PHLPP1: variants seen among roughly 807,000 people sequenced by gnomAD.
The protein encoded by PHLPP1 is PH domain leucine-rich repeat-containing protein phosphatase 1.
In PHLPP1, 42 loss-of-function variants were observed where a neutral mutation model predicts 117.2. The observed-to-expected ratio is 0.36, with a 90% CI of 0.28 to 0.46. The LOEUF is 0.46. PHLPP1 is among the 20% of genes least tolerant of loss of function. The probability of loss-of-function intolerance (pLI) is 1.00; values close to 1 mark genes in which losing one functional copy is unlikely to be tolerated. For missense variants in PHLPP1, 2,084 were observed against 2,241.9 expected, an observed-to-expected ratio of 0.93 and a Z score of 1.42; for synonymous variants, 1,042 against 970.7, an observed-to-expected ratio of 1.07 and a Z score of -1.37.
At chr18:62,976,624 T>G (rs544089503) in intron 16 of PHLPP1, among the ~76,000 whole-genome samples, 1 of 152,368 alleles carries the variant, frequency 6.6e-6, no homozygotes, top group Non-Finnish European at 1.5e-5. Flanking sequence ...GCATCCTCTC[T>G]GCTCCAAGAA....
chr18:62,871,403 C>G (rs1915897789), intron 4 of PHLPP1, among the ~76,000 whole-genome samples: 1 of 152,128 alleles, frequency 6.6e-6, no homozygotes, highest in Non-Finnish European at 1.5e-5. Context: ...TCTCGGCTCA[C>G]TGCAACCTCT....
intron 3 of PHLPP1, 89 bp downstream of exon 3, chr18:62,838,998 G>A (rs1216463253): frequency 4.8e-5 from 65 of 1,361,478 alleles, no homozygotes; most frequent in Non-Finnish European, 6.0e-5. Context: ...AATATGGTTA[G>A]TTACACACAC....
At chr18:62,765,241 C>T (rs945851115) in intron 1 of PHLPP1, among the ~76,000 whole-genome samples, 8 of 152,046 alleles carry the variant, frequency 5.3e-5, no homozygotes, top group South Asian at 2.1e-4. Flanking sequence ...TTCTCATGTT[C>T]GATGCTACGA....
chr18:62,863,395 G>A (rs530560478), intron 4 of PHLPP1, among the ~76,000 whole-genome samples: 3 of 152,118 alleles, frequency 2.0e-5, no homozygotes, highest in African/African-American at 7.2e-5. Flanking sequence ...GTAGAGATGG[G>A]GTTTCACCAT....
At chr18:62,814,502 A>G (rs1914209284) in intron 1 of PHLPP1, among the ~76,000 whole-genome samples, 1 of 152,194 alleles carries the variant, frequency 6.6e-6, no homozygotes, top group Non-Finnish European at 1.5e-5. Context: ...CACTGGTCAT[A>G]GTGAAGAAGG....
chr18:62,766,076 A>AAAAAAAAAAAATATAT lies in PHLPP1; in HGVS notation c.1576+48818_1576+48819insAAAAAAAAAATATATA. 1.8e-4 allele frequency among the ~76,000 whole-genome samples: 4 copies of AAAAAAAAAAAATATAT among 21,664 alleles called. 1 individual carries two copies. Among genetic ancestry groups the AAAAAAAAAAAATATAT allele is most frequent in the Admixed American group, 1.6e-3 (2 of 1,274 alleles). The allele number at this position is 21,664 out of a possible 152,430, so 14.2% of individuals were successfully genotyped here. On this transcript the variant is annotated intron_variant, in intron 1 of 16. Coordinates refer to ENST00000262719, the MANE Select transcript of PHLPP1 (RefSeq NM_194449.4). ...ACTCCATCTCAAAAAAAAAAAAAAA[A>AAAAAAAAAAAATATAT]ATATATATATATATATATATATATA...
intron 8 of PHLPP1, among the ~76,000 whole-genome samples, chr18:62,912,336 A>G (rs1437955969): frequency 2.1e-5 from 3 of 139,630 alleles, no homozygotes; most frequent in African/African-American, 7.8e-5. Context: ...ATAATAAAAA[A>G]CCTGATCCAT....
intron 13 of PHLPP1, among the ~76,000 whole-genome samples, chr18:62,962,362 C>G (rs1301371824): frequency 1.3e-5 from 2 of 152,192 alleles, no homozygotes; most frequent in Non-Finnish European, 1.5e-5. Context: ...GGCTGGAGTG[C>G]AGTGGCACAA....
chr18:62,742,337 A>C (rs183101280), intron 1 of PHLPP1, among the ~76,000 whole-genome samples: 353 of 152,246 alleles, frequency 2.3e-3, no homozygotes, highest in African/African-American at 7.5e-3. Context: ...TTATACAGCT[A>C]TATTGATTGA....
chr18:62,798,767 G>A (rs1310112523), intron 1 of PHLPP1, among the ~76,000 whole-genome samples: 1 of 151,908 alleles, frequency 6.6e-6, no homozygotes, highest in Non-Finnish European at 1.5e-5. Context: ...CACTGTGTCT[G>A]ATTGATTCAC....
At position 62,747,388 on chromosome 18, in the gene PHLPP1, G is replaced by A. The variant is rs376579770; in HGVS notation, c.1576+30129G>A. Among the ~76,000 whole-genome samples, 105 of 150,496 alleles carry A rather than the reference G, an allele frequency of 7.0e-4. 1 individual carries two copies. The South Asian group carries it at 0.021, about 31-fold the overall frequency. On this transcript the variant is annotated intron_variant, in intron 1 of 16. Coordinates refer to ENST00000262719, the MANE Select transcript of PHLPP1 (RefSeq NM_194449.4). ...CAACCTCCACCTCCTGAGTTCAGGCGATTCTCAGCCTCCCAAAATGCTGGA... is the reference window on the plus strand; with the variant it reads ...CAACCTCCACCTCCTGAGTTCAGGCAATTCTCAGCCTCCCAAAATGCTGGA...
chr18:62,943,992 C>G (rs778540066), intron 11 of PHLPP1, among the ~76,000 whole-genome samples: 1 of 151,968 alleles, frequency 6.6e-6, no homozygotes, highest in African/African-American at 2.4e-5. Context: ...TTTACTGTAT[C>G]TTAGGCATAT....
chr18:62,758,430 G>A (rs1912099872), intron 1 of PHLPP1, among the ~76,000 whole-genome samples: 1 of 152,156 alleles, frequency 6.6e-6, no homozygotes, highest in African/African-American at 2.4e-5. Context: ...CTCAACCCAT[G>A]CTGTTATGAT....
chr18:62,804,108 G>A (rs958214560), intron 1 of PHLPP1, among the ~76,000 whole-genome samples: 2 of 152,126 alleles, frequency 1.3e-5, no homozygotes, highest in Non-Finnish European at 2.9e-5. Context: ...AACAGTTAAT[G>A]GCGGAAGTTG....
intron 10 of PHLPP1, among the ~76,000 whole-genome samples, chr18:62,930,497 G>A (rs493082): frequency 0.59 from 89,849 of 151,946 alleles, 26,782 homozygotes; most frequent in Middle Eastern, 0.69. Context: ...TAAAGGGTTC[G>A]ATTCAACCAG....
chr18:62,965,763 CTCT>C (rs1265076783), intron 14 of PHLPP1, among the ~76,000 whole-genome samples: 1 of 150,722 alleles, frequency 6.6e-6, no homozygotes, highest in Admixed American at 6.6e-5. Context: ...CCAACCTAGC[CTCT>C]TCTTTAGGTT....
chr18:62,917,394 CTTTGTG>C (rs1279674563), intron 9 of PHLPP1, among the ~76,000 whole-genome samples: 2 of 58,254 alleles, frequency 3.4e-5, no homozygotes, highest in Non-Finnish European at 8.3e-5. Flanking sequence ...AAACAGTATT[CTTTGTG>C]TGTGTGTGTG....
chr18:62,863,787 T>TTTTTGGCC (rs1915693644), intron 4 of PHLPP1, among the ~76,000 whole-genome samples: 2 of 152,238 alleles, frequency 1.3e-5, no homozygotes, highest in Admixed American at 1.3e-4. Context: ...CCAGCTTCTT[T>TTTTTGGCC]ACCGCATCCT....
intron 1 of PHLPP1, among the ~76,000 whole-genome samples, chr18:62,783,277 G>C (rs1913176302): frequency 6.8e-6 from 1 of 147,224 alleles, no homozygotes; most frequent in South Asian, 2.2e-4. Context: ...GCCCAGGCTG[G>C]AGCACAGTGG....
Sources: gnomAD v4.1 joint callset for allele counts (sites outside exome capture counted in the v4.1 genomes callset) on GRCh38, gnomAD v4.1.1 for gene constraint, MANE v1.5 for transcripts, NCBI Gene and HGNC (gene_info 2026-07-23, HGNC 2026-07-21) for gene names.